The following CABIN1 variants were observed in gnomAD, a reference collection of about 807,000 sequenced individuals.
CABIN1 encodes calcineurin binding protein 1, also known as calcineurin-binding protein cabin-1.
In CABIN1, 133 loss-of-function variants were observed where a neutral mutation model predicts 227.7. The observed-to-expected ratio is 0.58, with a 90% CI of 0.51 to 0.67. The LOEUF is 0.67. Ranked by LOEUF, CABIN1 falls within the 30% of genes least tolerant of loss-of-function variation. The probability of loss-of-function intolerance (pLI) is 0.00; values close to 1 mark genes in which losing one functional copy is unlikely to be tolerated. For synonymous variants in CABIN1, 1,086 were observed against 1,155.1 expected (o/e 0.94, Z 1.21); for missense variants, 2,408 against 2,852.5 (o/e 0.84, Z 3.55).
In CABIN1 at chr22:24,128,144, T is replaced by C. The variant is rs1298549773; in HGVS notation, c.4633-6158T>C. On this transcript the variant is annotated intron_variant, in intron 28 of 36. Transcript: ENST00000263119. ...CCAGGCAACTCTCAGGAATGTTGGGTGCATTTCCTTTCCATCTTCTGCCTA... is the reference window on the plus strand; with the variant it reads ...CCAGGCAACTCTCAGGAATGTTGGGCGCATTTCCTTTCCATCTTCTGCCTA... Among the ~76,000 whole-genome samples the C allele has an allele frequency of 2.0e-5, 3 of 152,208 alleles. No homozygotes were observed. The East Asian group carries it at 5.8e-4, about 29-fold the overall frequency.
chr22:24,071,410 G>A (rs114852674), intron 17 of CABIN1, among the ~76,000 whole-genome samples: 2,443 of 152,226 alleles, frequency 0.016, 78 homozygotes, highest in African/African-American at 0.056. Context: ...CGGTATCCTG[G>A]CACTTCCAAC....
intron 5 of CABIN1, among the ~76,000 whole-genome samples, chr22:24,042,026 A>G (rs1452293601): frequency 6.6e-6 from 1 of 152,222 alleles, no homozygotes; most frequent in African/African-American, 2.4e-5. Flanking sequence ...ATCAGGGCTC[A>G]CTGCAGCCTC....
chr22:24,124,827 C>T (rs892846423), intron 28 of CABIN1, among the ~76,000 whole-genome samples: 2 of 152,158 alleles, frequency 1.3e-5, no homozygotes, highest in Middle Eastern at 3.2e-3. Context: ...CCCTTCACCT[C>T]CTGCTACTTC....
intron 29 of CABIN1, among the ~76,000 whole-genome samples, chr22:24,152,256 GCATTTGGACT>G (rs2045528158): frequency 6.6e-6 from 1 of 152,216 alleles, no homozygotes; most frequent in Non-Finnish European, 1.5e-5. Flanking sequence ...CTCACACAGA[GCATTTGGACT>G]CAGTGACATC....
rs150142203 is a variant in CABIN1 at position 24,109,508 on chromosome 22, G to A, written c.4118-4058G>A. Among the ~76,000 whole-genome samples the A allele has an allele frequency of 4.3e-4, 66 of 152,138 alleles. No homozygotes were observed. The East Asian group carries it at 0.011, about 26-fold the overall frequency. ...TAGGACTACAGGCATGAGCCACCCA[G>A]CCAAAACAAGTTTATATGTTGTTTC... On this transcript the variant is annotated intron_variant, in intron 26 of 36. Transcript: ENST00000263119.
At chr22:24,148,806 G>A (rs774953199) in intron 29 of CABIN1, among the ~76,000 whole-genome samples, 2 of 152,238 alleles carry the variant, frequency 1.3e-5, no homozygotes, top group African/African-American at 2.4e-5. Flanking sequence ...TGCAGCCTAG[G>A]CTCCTGAGCA....
rs115707715 is a variant in CABIN1, at chr22:24,177,625, C to G, written c.6327C>G (p.Ala2109=). The change falls in exon 36 of 37, where the codon GCC becomes GCG. Residue 2109 remains alanine, a synonymous_variant. Coordinates refer to ENST00000263119, the MANE Select transcript of CABIN1 (RefSeq NM_012295.4). This position sits in a 1 kb window ranked among gnomAD's most constrained non-coding sequence, Gnocchi z 4.4. ...ASSKAPSSGS[A]QPPEGHPGKP... ...CCAAGGCCCCCAGCAGTGGGAGTGC[C>G]CAGCCACCAGAGGGTCACCCAGGCA... 1 of 1,613,364 alleles carries G rather than the reference C, an allele frequency of 6.2e-7. No individual in the cohort carries two copies. Among genetic ancestry groups the G allele is most frequent in the South Asian group, 1.1e-5 (1 of 91,050 alleles).
rs1424769776 is a variant in CABIN1, at chr22:24,087,378, C to T, written c.3264-74C>T. 3 of 1,588,234 alleles carry T rather than the reference C, an allele frequency of 1.9e-6. No individual in the cohort carries two copies. The East Asian group carries it at 6.7e-5, about 35-fold the overall frequency. On this transcript the variant is annotated intron_variant, in intron 22 of 36. Transcript: ENST00000263119. ...GTTTCCATGGGGTCCATCTGCCTGTCCACTAGGCTGTCATTATCTTCCATG... is the reference window on the plus strand; with the variant it reads ...GTTTCCATGGGGTCCATCTGCCTGTTCACTAGGCTGTCATTATCTTCCATG...
chr22:24,095,784 T>C, intron 24 of CABIN1, 147 bp from the exon 25 acceptor site: 1 of 824,274 alleles, frequency 1.2e-6, no homozygotes, highest in Admixed American at 1.7e-5. Flanking sequence ...AGTTGTAGGA[T>C]GGTTGGTTTA....
chr22:24,156,238 G>A (rs1287999326), intron 29 of CABIN1, among the ~76,000 whole-genome samples: 2 of 152,202 alleles, frequency 1.3e-5, no homozygotes, highest in Middle Eastern at 3.4e-3. Flanking sequence ...CCCCCGCCTC[G>A]GCGCACCAGG....
intron 28 of CABIN1, among the ~76,000 whole-genome samples, chr22:24,120,113 A>T (rs2043317061): frequency 6.6e-6 from 1 of 151,930 alleles, no homozygotes; most frequent in Non-Finnish European, 1.5e-5. Context: ...GGCCCTGCTT[A>T]CTCTCTGTTC....
At position 24,065,822 on chromosome 22, in the gene CABIN1, C is replaced by T. The variant is rs577769054; in HGVS notation, c.2038-1165C>T. Among the ~76,000 whole-genome samples, 151 of 152,374 alleles carry T rather than the reference C, an allele frequency of 9.9e-4. 1 individual carries two copies. The highest frequency in any genetic ancestry group is 9.4e-3 in the Admixed American group (144 of 15,306). On this transcript the variant is annotated intron_variant, in intron 15 of 36. Transcript: ENST00000263119. ...CTGGAGACCAGCCCGGCCAACACAGCGAAACCCCGTCTCCACCGAAAAAAT... is the reference window on the plus strand; with the variant it reads ...CTGGAGACCAGCCCGGCCAACACAGTGAAACCCCGTCTCCACCGAAAAAAT...
chr22:24,054,813 T>C, intron 8 of CABIN1, 60 bp from the exon 9 acceptor site: 1 of 1,610,962 alleles, frequency 6.2e-7, no homozygotes, highest in Non-Finnish European at 8.5e-7. Context: ...CATTTTCCAC[T>C]ATGCTTGGAG....
intron 23 of CABIN1, 109 bp from the exon 24 acceptor site, chr22:24,091,474 A>G: frequency 7.5e-7 from 1 of 1,327,196 alleles, no homozygotes; most frequent in Admixed American, 1.7e-5. Context: ...TTGGTTGTTA[A>G]GAGGAGTATA....
intron 27 of CABIN1, among the ~76,000 whole-genome samples, chr22:24,114,592 C>T (rs185248843): frequency 6.6e-6 from 1 of 152,288 alleles, no homozygotes; most frequent in East Asian, 1.9e-4. Context: ...CAGTGTACAC[C>T]CTTAACCATT....
intron 24 of CABIN1, among the ~76,000 whole-genome samples, chr22:24,093,214 A>C (rs150113406): frequency 1.3e-5 from 2 of 152,156 alleles, no homozygotes; most frequent in African/African-American, 4.8e-5. Flanking sequence ...CATATTGATG[A>C]GGTTCTCTTT....
chr22:24,061,782 T>G (rs930352485), intron 12 of CABIN1, among the ~76,000 whole-genome samples, 165 bp from the exon 13 acceptor site: 2 of 152,260 alleles, frequency 1.3e-5, no homozygotes, highest in African/African-American at 4.8e-5. Flanking sequence ...CTTTTTATGT[T>G]CTGGCGAGTA....
intron 16 of CABIN1, among the ~76,000 whole-genome samples, chr22:24,067,427 G>C (rs919407361): frequency 6.6e-6 from 1 of 152,186 alleles, no homozygotes; most frequent in African/African-American, 2.4e-5. Context: ...ACTTGACTCA[G>C]AACTTCTGTG....
chr22:24,143,967 G>A (rs920834924), intron 29 of CABIN1, among the ~76,000 whole-genome samples: 10 of 152,210 alleles, frequency 6.6e-5, no homozygotes, highest in African/African-American at 1.2e-4. Context: ...TCTGGGTGCC[G>A]GGAGAGAATG....
Sources: allele counts gnomAD v4.1 joint callset (sites outside exome capture counted in the v4.1 genomes callset), GRCh38; gene constraint gnomAD v4.1.1; non-coding constraint Gnocchi (gnomAD v3.1); transcripts MANE v1.5; gene names NCBI Gene and HGNC (gene_info 2026-07-23, HGNC 2026-07-21).